PTK2: variants seen among roughly 807,000 people sequenced by gnomAD.
PTK2 encodes the protein protein tyrosine kinase 2, also known as focal adhesion kinase 1.
Under a neutral mutation model 150.1 loss-of-function variants are expected in PTK2, and 45 were observed. That is an observed-to-expected ratio of 0.30 (90% CI 0.24 to 0.38). The LOEUF (loss-of-function observed/expected upper bound fraction) is 0.38. PTK2 is among the 10% of genes least tolerant of loss of function. The pLI, the probability that PTK2 is intolerant of heterozygous loss-of-function variation, is 1.00. For missense variants in PTK2, 919 were observed against 1,307.3 expected (o/e 0.70, Z 4.58); for synonymous variants, 432 against 449.2 (o/e 0.96, Z 0.48).
intron 14 of PTK2, 73 bp downstream of exon 16, chr8:140,769,502 A>G (rs2100074351): frequency 3.7e-6 from 4 of 1,082,692 alleles, no homozygotes; most frequent in South Asian, 1.4e-5. Context: ...GCCTTTCATT[A>G]AATACTAAAC....
intron 22 of PTK2, among the ~76,000 whole-genome samples, chr8:140,722,626 G>A (rs1328459971): frequency 6.6e-6 from 1 of 152,114 alleles, no homozygotes; most frequent in Non-Finnish European, 1.5e-5. Context: ...GGGAGCAGGA[G>A]ACCAGTCAGA....
At chr8:140,672,824 T>C (rs1231428068) in intron 29 of PTK2, among the ~76,000 whole-genome samples, 1 of 152,214 alleles carries the variant, frequency 6.6e-6, no homozygotes, top group African/African-American at 2.4e-5. Flanking sequence ...GTCAAGTATG[T>C]GCTCAGCCAA....
intron 26 of PTK2, among the ~76,000 whole-genome samples, chr8:140,693,858 T>G (rs902802003): frequency 2.6e-5 from 4 of 152,036 alleles, no homozygotes; most frequent in Non-Finnish European, 5.9e-5. Context: ...ATCTAAAATT[T>G]GGGTAATACT....
chr8:140,916,857 G>A (rs993998522), intron 2 of PTK2, among the ~76,000 whole-genome samples: 1 of 152,142 alleles, frequency 6.6e-6, no homozygotes, highest in Non-Finnish European at 1.5e-5. Context: ...AGCAACAATT[G>A]CCAAGTTATT....
intron 5 of PTK2, among the ~76,000 whole-genome samples, chr8:140,858,339 G>C (rs1567666902): frequency 6.7e-6 from 1 of 149,050 alleles, no homozygotes; most frequent in Non-Finnish European, 1.5e-5. Flanking sequence ...TATCAGAATA[G>C]ACAACAACTA....
intron 10 of PTK2, 126 bp from the exon 11 acceptor site, chr8:140,803,776 A>G (rs2100096695): frequency 1.1e-5 from 9 of 827,156 alleles, no homozygotes; most frequent in African/African-American, 3.5e-5. Context: ...GTCTGGGGAA[A>G]AAAACAGATT....
intron 16 of PTK2, among the ~76,000 whole-genome samples, chr8:140,754,305 C>T (rs2100064440): frequency 6.6e-6 from 1 of 152,190 alleles, no homozygotes; most frequent in Non-Finnish European, 1.5e-5. Flanking sequence ...GAGTTTACAA[C>T]CTTAGAATCA....
At chr8:140,772,863 T>C (rs1290944287) in intron 14 of PTK2, among the ~76,000 whole-genome samples, 1 of 152,228 alleles carries the variant, frequency 6.6e-6, no homozygotes, top group Admixed American at 6.5e-5. Context: ...AAAAGATATA[T>C]GGAACACTAG....
intron 4 of PTK2, among the ~76,000 whole-genome samples, chr8:140,876,475 A>T (rs2100145595): frequency 6.6e-6 from 1 of 152,162 alleles, no homozygotes; most frequent in South Asian, 2.1e-4. Flanking sequence ...CTGGTACAAC[A>T]ATATTTTACT....
chr8:140,748,156 T>C (rs1282886493), intron 17 of PTK2, among the ~76,000 whole-genome samples: 1 of 152,138 alleles, frequency 6.6e-6, no homozygotes, highest in African/African-American at 2.4e-5. Context: ...TCCACCACTG[T>C]GGTCCTGTCC....
intron 2 of PTK2, among the ~76,000 whole-genome samples, chr8:140,920,630 C>T (rs544331310): frequency 6.6e-6 from 1 of 152,144 alleles, no homozygotes; most frequent in East Asian, 1.9e-4. Flanking sequence ...TTTTCATTTG[C>T]TATTTGAAAA....
intron 14 of PTK2, among the ~76,000 whole-genome samples, chr8:140,767,917 T>TTAA (rs1400284491): frequency 8.5e-5 from 13 of 152,146 alleles, no homozygotes; most frequent in Non-Finnish European, 1.8e-4. Flanking sequence ...TGAAACTTCC[T>TTAA]GGGCCCTCCA....
At chr8:140,717,892 C>A in intron 22 of PTK2, 183 bp from the exon 26 acceptor site, 1 of 507,400 alleles carries the variant, frequency 2.0e-6, no homozygotes, top group Non-Finnish European at 3.6e-6. Flanking sequence ...TCTAGAATAG[C>A]CTTGGTCCAA....
At chr8:140,863,833 A>G (rs1241312833) in intron 5 of PTK2, among the ~76,000 whole-genome samples, 1 of 152,246 alleles carries the variant, frequency 6.6e-6, no homozygotes, top group Non-Finnish European at 1.5e-5. Flanking sequence ...AAAGCAAAAA[A>G]AATTACCAAG....
chr8:140,726,037 CA>C (rs547191483), intron 22 of PTK2, among the ~76,000 whole-genome samples: 18 of 150,880 alleles, frequency 1.2e-4, no homozygotes, highest in African/African-American at 3.9e-4. Flanking sequence ...AAACAGAATA[CA>C]AAAAAAAGAA....
At chr8:140,879,675 T>TC in intron 3 of PTK2, 38 bp from the exon 4 acceptor site, 2 of 37,214 alleles carry the variant, frequency 5.4e-5, no homozygotes, top group Non-Finnish European at 8.5e-5. Flanking sequence ...TGTTATAAAC[T>TC]GAAAAAAAAA....
chr8:140,695,222 G>A (rs1369189275), intron 26 of PTK2, among the ~76,000 whole-genome samples: 1 of 151,958 alleles, frequency 6.6e-6, no homozygotes, highest in African/African-American at 2.4e-5. Context: ...CCTTCCTCTT[G>A]ACCTCCTATA....
chr8:140,923,407 A>G (rs1158613612), intron 2 of PTK2, among the ~76,000 whole-genome samples: 2 of 152,194 alleles, frequency 1.3e-5, no homozygotes, highest in African/African-American at 4.8e-5. Context: ...CTACTTCCCT[A>G]TTTTCATAGA....
At chr8:140,949,133 T>C (rs1018899838) in intron 1 of PTK2, among the ~76,000 whole-genome samples, 1 of 152,194 alleles carries the variant, frequency 6.6e-6, no homozygotes, top group African/African-American at 2.4e-5. Flanking sequence ...TTAATATTTC[T>C]TAATATTTCT....
Sources: allele counts gnomAD v4.1 joint callset (sites outside exome capture counted in the v4.1 genomes callset), GRCh38; gene constraint gnomAD v4.1.1; transcripts MANE v1.5; gene names NCBI Gene and HGNC (gene_info 2026-07-23, HGNC 2026-07-21).